UBR2: variants seen among roughly 807,000 people sequenced by gnomAD.
UBR2 encodes the protein E3 ubiquitin-protein ligase UBR2.
Under a neutral mutation model 247.9 loss-of-function variants are expected in UBR2, and 92 were observed. The ratio of observed to expected loss-of-function variants is 0.37; its 90% CI spans 0.31 to 0.44. The LOEUF (loss-of-function observed/expected upper bound fraction) is 0.44. Ranked by LOEUF, UBR2 falls within the 20% of genes least tolerant of loss-of-function variation. UBR2 has a pLI of 1.00. For missense variants in UBR2, 1,613 were observed against 2,112.6 expected (o/e 0.76, Z 4.64); for synonymous variants, 672 against 693.5 (o/e 0.97, Z 0.49).
intron 21 of UBR2, among the ~76,000 whole-genome samples, 167 bp downstream of exon 21, chr6:42,645,757 A>G (rs1271787226): frequency 6.6e-6 from 1 of 152,236 alleles, no homozygotes; most frequent in Non-Finnish European, 1.5e-5. Flanking sequence ...GAAAAAGAGA[A>G]TAGGAGTAGA....
intron 33 of UBR2, among the ~76,000 whole-genome samples, chr6:42,665,728 C>G (rs1477470470): frequency 6.6e-6 from 1 of 151,982 alleles, no homozygotes; most frequent in East Asian, 1.9e-4. Flanking sequence ...ACACTTCTCA[C>G]TTATTCCCCC....
intron 44 of UBR2, 43 bp from the exon 45 acceptor site, chr6:42,688,173 C>T (rs1226098848): frequency 6.2e-7 from 1 of 1,613,310 alleles, no homozygotes; most frequent in Non-Finnish European, 8.5e-7. Context: ...GCTCTTTAGC[C>T]ACTCTTTAGA....
At chr6:42,641,796 T>A in intron 17 of UBR2, 104 bp downstream of exon 17, 1 of 801,192 alleles carries the variant, frequency 1.2e-6, no homozygotes, top group Non-Finnish European at 1.9e-6. Flanking sequence ...GTATCTATAT[T>A]AAAATTGTTT....
chr6:42,571,996 A>T (rs1023321596), intron 1 of UBR2, among the ~76,000 whole-genome samples: 2 of 152,060 alleles, frequency 1.3e-5, no homozygotes, highest in Non-Finnish European at 2.9e-5. Flanking sequence ...GAAGGGAGAG[A>T]ATACTTAAAG....
intron 1 of UBR2, among the ~76,000 whole-genome samples, chr6:42,568,778 C>T (rs1254589887): frequency 6.6e-6 from 1 of 152,048 alleles, no homozygotes; most frequent in African/African-American, 2.4e-5. Context: ...GTACCATGTA[C>T]AGGTTGAGTA....
chr6:42,601,393 T>C (rs1793346581), intron 4 of UBR2, among the ~76,000 whole-genome samples: 1 of 152,024 alleles, frequency 6.6e-6, no homozygotes, highest in Non-Finnish European at 1.5e-5. Context: ...GCAGAAACAA[T>C]AAATAAAAAA....
intron 20 of UBR2, 105 bp from the exon 21 acceptor site, chr6:42,645,361 A>T (rs1472397348): frequency 1.8e-6 from 2 of 1,092,790 alleles, no homozygotes; most frequent in Non-Finnish European, 2.7e-6. Flanking sequence ...CATTGCTCAG[A>T]CAGACTTAGA....
chr6:42,626,184 A>G (rs1367755726), intron 11 of UBR2, among the ~76,000 whole-genome samples: 1 of 151,486 alleles, frequency 6.6e-6, no homozygotes, highest in East Asian at 1.9e-4. Flanking sequence ...AGATTTTGCC[A>G]TTCTTGCGTA....
At chr6:42,657,234 CAAAA>C (rs35892798) in intron 26 of UBR2, among the ~76,000 whole-genome samples, 3 of 87,982 alleles carry the variant, frequency 3.4e-5, no homozygotes, top group Admixed American at 2.2e-4. Flanking sequence ...GACTCTGTCT[CAAAA>C]AAAAAAAAAA....
At chr6:42,614,375 T>TATATTTGTATGTACGTACATACATAC (rs70990112) in intron 8 of UBR2, among the ~76,000 whole-genome samples, 1 of 69,750 alleles carries the variant, frequency 1.4e-5, no homozygotes. Context: ...TGTGTATGTG[T>TATATTTGTATGTACGTACATACATAC]GTATATATGT....
rs1457727667 is a variant in UBR2, at chr6:42,606,646, A to C, written c.859A>C (p.Ile287Leu). 1 of 1,604,446 alleles carries C rather than the reference A, an allele frequency of 6.2e-7. No homozygotes were observed. Among genetic ancestry groups the C allele is most frequent in the Non-Finnish European group, 8.5e-7 (1 of 1,176,068 alleles). ...FQYCEQAKSV[I>L]VRNTSRQTKP... ...GTATTGTGAGCAAGCAAAATCAGTA[A>C]TTGTGGTAAGTAATTTAAAAACATG... Residue 287 changes from isoleucine to leucine, a missense_variant, in exon 7 of 47, where the codon ATT becomes CTT. Around this residue, in one of 3 missense-constraint regions of UBR2, gnomAD observed 1,524 missense variants for 1,967.3 expected, o/e 0.77. Coordinates refer to ENST00000372901, the MANE Select transcript of UBR2 (RefSeq NM_001363705.2).
chr6:42,660,998 A>T (rs539501476), intron 30 of UBR2, among the ~76,000 whole-genome samples: 235 of 128,264 alleles, frequency 1.8e-3, no homozygotes, highest in South Asian at 8.9e-3. Context: ...TTTGTTTTTA[A>T]AAAAAAAAAA....
At chr6:42,635,620 T>C in intron 14 of UBR2, 74 bp downstream of exon 14, 1 of 1,519,060 alleles carries the variant, frequency 6.6e-7, no homozygotes, top group South Asian at 1.3e-5. Context: ...TAAGTAAATT[T>C]CAAGGAGATC....
chr6:42,595,940 A>G (rs545156179), intron 4 of UBR2, among the ~76,000 whole-genome samples: 6 of 151,916 alleles, frequency 3.9e-5, no homozygotes, highest in African/African-American at 1.4e-4. Context: ...TTCCACTTCT[A>G]TTGGAGAAGC....
At chr6:42,564,433 TC>T in intron 1 of UBR2, 36 bp downstream of exon 1, 1 of 1,592,544 alleles carries the variant, frequency 6.3e-7, no homozygotes, top group Non-Finnish European at 8.5e-7. Flanking sequence ...CGTCTGCCCC[TC>T]GCAGGCCGCG....
chr6:42,682,175 T>C (rs890260185), intron 42 of UBR2, among the ~76,000 whole-genome samples: 1 of 152,178 alleles, frequency 6.6e-6, no homozygotes, highest in Non-Finnish European at 1.5e-5. Flanking sequence ...ATAAATACTG[T>C]ATGATTCCAC....
chr6:42,692,977 G>T lies in UBR2; in HGVS notation c.*1804G>T, dbSNP rs1196796362. On this transcript the variant is annotated 3_prime_UTR_variant, in exon 47 of 47. Transcript: ENST00000372901. ...GGTGGCATAATTCATGTTTATTTTG[G>T]CCTCTGTCACATCCAGTTTCTTTAG... The T allele has an allele frequency of 1.3e-5, 2 of 152,018 alleles. No individual in the cohort carries two copies. The highest frequency in any genetic ancestry group is 4.8e-5 in the African/African-American group (2 of 41,364). 9.4% of individuals were successfully genotyped at this position (152,018 alleles called of 1,614,324 possible).
intron 10 of UBR2, among the ~76,000 whole-genome samples, 159 bp downstream of exon 10, chr6:42,616,249 T>C (rs1794540452): frequency 6.6e-6 from 1 of 152,170 alleles, no homozygotes; most frequent in Non-Finnish European, 1.5e-5. Context: ...TCTTTATCAA[T>C]AGAATAAAAT....
chr6:42,640,791 G>A (rs746633882), intron 16 of UBR2, among the ~76,000 whole-genome samples: 14 of 151,902 alleles, frequency 9.2e-5, no homozygotes, highest in South Asian at 4.2e-4. Flanking sequence ...ATGCAGTGGC[G>A]CAATCTTGGC....
Sources: gnomAD v4.1 joint callset for allele counts (sites outside exome capture counted in the v4.1 genomes callset) on GRCh38, gnomAD v4.1.1 for gene constraint, gnomAD v4.1.1 regional missense constraint, MANE v1.5 for transcripts, NCBI Gene and HGNC (gene_info 2026-07-23, HGNC 2026-07-21) for gene names.